The following UGT1A5 variants were observed in gnomAD, a reference collection of about 807,000 sequenced individuals.
The protein encoded by UGT1A5 is UDP glucuronosyltransferase family 1 member A5.
UGT1A5 carries 29 observed loss-of-function variants against 40.3 expected under a neutral mutation model. That is an observed-to-expected ratio of 0.72 (90% CI 0.54 to 0.98). UGT1A5 has a LOEUF of 0.98. Among genes scored for constraint, UGT1A5 ranks in the 50% least tolerant of loss-of-function variants. The probability of loss-of-function intolerance (pLI) is 0.00; values close to 1 mark genes in which losing one functional copy is unlikely to be tolerated. For missense variants in UGT1A5, 678 were observed against 677.9 expected (o/e 1.00, Z 0.00); for synonymous variants, 257 against 262.5 (o/e 0.98, Z 0.20).
At chr2:233,731,308 T>G (rs962546362) in intron 1 of UGT1A5, among the ~76,000 whole-genome samples, 3 of 151,716 alleles carry the variant, frequency 2.0e-5, no homozygotes, top group African/African-American at 7.3e-5. Context: ...TATTATACTT[T>G]AAGTTCTAGG....
In UGT1A5 at chr2:233,713,100, G is replaced by A. The variant is rs528791114; in HGVS notation, c.109G>A (p.Asp37Asn). Residue 37 changes from aspartate (D) to asparagine (N), a missense_variant, in exon 1 of 5, where the codon GAT (aspartate) becomes AAT (asparagine). Transcript: ENST00000373414. ...TGGGAAGGTGCTGGTGGTGCCCACT[G>A]ATGGCAGCCACTGGCTCAGCATGCG... ...ESGKVLVVPT[D>N]GSHWLSMREA... 8 of 1,614,218 alleles carry A rather than the reference G, an allele frequency of 5.0e-6. No homozygotes were observed. The highest frequency in any genetic ancestry group is 5.9e-6 in the Non-Finnish European group (7 of 1,180,036).
At chr2:233,747,925 T>C in intron 1 of UGT1A5, 1 of 1,613,432 alleles carries the variant, frequency 6.2e-7, no homozygotes, top group South Asian at 1.1e-5. Flanking sequence ...GCCTCTGAGC[T>C]TTTTCAGAGG....
At chr2:233,754,596 T>TA (rs1695527664) in intron 1 of UGT1A5, 1 of 431,834 alleles carries the variant, frequency 2.3e-6, no homozygotes, top group Middle Eastern at 3.5e-4. Flanking sequence ...TGAAGGACTT[T>TA]AACTCAACTC....
chr2:233,722,328 T>C (rs2077007170), intron 1 of UGT1A5, among the ~76,000 whole-genome samples: 1 of 152,230 alleles, frequency 6.6e-6, no homozygotes, highest in African/African-American at 2.4e-5. Flanking sequence ...GGTTGACCCT[T>C]AGATTTGAAA....
intron 1 of UGT1A5, chr2:233,755,125 C>T (rs1380878187): frequency 3.0e-6 from 4 of 1,325,936 alleles, no homozygotes; most frequent in Non-Finnish European, 4.1e-6. Flanking sequence ...GCCTCAGCCA[C>T]CTGCTTGAAT....
At chr2:233,719,330 G>T in intron 1 of UGT1A5, 1 of 1,613,866 alleles carries the variant, frequency 6.2e-7, no homozygotes, top group Admixed American at 1.7e-5. Flanking sequence ...TTCCTGCTGT[G>T]TTTTTTTGGA....
chr2:233,754,024 C>G (rs763970261), intron 1 of UGT1A5, among the ~76,000 whole-genome samples: 2 of 152,198 alleles, frequency 1.3e-5, no homozygotes, highest in Non-Finnish European at 2.9e-5. Context: ...TGATAGGAAA[C>G]GAATGCATCC....
At chr2:233,755,646 G>A (rs1240330219) in intron 1 of UGT1A5, 4 of 157,058 alleles carry the variant, frequency 2.5e-5, no homozygotes, top group Admixed American at 2.5e-4. Context: ...CTTTTTCCTC[G>A]GCCACAGGAG....
At chr2:233,729,445 C>G (rs375300323) in intron 1 of UGT1A5, 1 of 1,613,820 alleles carries the variant, frequency 6.2e-7, no homozygotes, top group African/African-American at 1.3e-5. Flanking sequence ...AGAACATTTT[C>G]TGAAGAAATT....
At chr2:233,747,791 T>A in intron 1 of UGT1A5, 1 of 1,613,564 alleles carries the variant, frequency 6.2e-7, no homozygotes, top group Middle Eastern at 1.7e-4. Context: ...CTTCCTCCTA[T>A]ATTCCTAAGT....
At chr2:233,758,766 C>A (rs1239430775) in intron 1 of UGT1A5, among the ~76,000 whole-genome samples, 1 of 152,154 alleles carries the variant, frequency 6.6e-6, no homozygotes, top group Admixed American at 6.5e-5. Flanking sequence ...GTGTATGGTT[C>A]AAATGTTGGG....
chr2:233,772,337 C>T lies in UGT1A5; in HGVS notation c.1383C>T (p.Phe461=). The change falls in exon 5 of 5, where the codon TTC becomes TTT. Residue 461 remains phenylalanine (F), a synonymous_variant. Transcript: ENST00000373414. ...RPVEPLDLAV[F]WVEFVMRHKG... is the part of the protein sequence containing the mutation. ...TGGAGCCGCTGGACCTGGCCGTGTTCTGGGTGGAGTTTGTGATGAGGCACA... is the reference window on the plus strand; with the variant it reads ...TGGAGCCGCTGGACCTGGCCGTGTTTTGGGTGGAGTTTGTGATGAGGCACA... 6.2e-7 allele frequency: 1 copy of T among 1,614,256 alleles called. No individual in the cohort carries two copies. The highest frequency in any genetic ancestry group is 8.5e-7 in the Non-Finnish European group (1 of 1,180,042).
At chr2:233,719,662 G>C (rs769254543) in intron 1 of UGT1A5, 50 of 1,613,974 alleles carry the variant, frequency 3.1e-5, no homozygotes, top group Non-Finnish European at 4.0e-5. Context: ...GGCATCAACT[G>C]TGCCAACGGG....
intron 1 of UGT1A5, among the ~76,000 whole-genome samples, chr2:233,717,553 T>C (rs3806591): frequency 0.1 from 15,445 of 152,232 alleles, 903 homozygotes; most frequent in East Asian, 0.2. Context: ...TCACCAGCAA[T>C]GGCAGACATG....
chr2:233,718,933 G>C, intron 1 of UGT1A5: 1 of 1,614,132 alleles, frequency 6.2e-7, no homozygotes, highest in Non-Finnish European at 8.5e-7. Context: ...CCCACTGATG[G>C]CAGCCCCTGG....
At chr2:233,738,533 C>T (rs762024449) in intron 1 of UGT1A5, among the ~76,000 whole-genome samples, 4 of 152,178 alleles carry the variant, frequency 2.6e-5, no homozygotes, top group African/African-American at 9.7e-5. Context: ...CAATGAAGTC[C>T]AGGCTGAGTC....
chr2:233,713,640 C>T lies in UGT1A5; in HGVS notation c.649C>T (p.Pro217Ser). Residue 217 changes from proline (P) to serine (S), a missense_variant, in exon 1 of 5, where the codon CCT becomes TCT. Transcript: ENST00000373414. ...FLQRVKNMLY[P>S]LALSYLCHAV... ...GCAAAGGGTCAAGAACATGCTCTAC[C>T]CTCTGGCCCTGTCCTACCTTTGCCA... 1 of 1,613,940 alleles carries T rather than the reference C, an allele frequency of 6.2e-7. No individual in the cohort carries two copies.
chr2:233,737,385 T>G (rs1256116347), intron 1 of UGT1A5, among the ~76,000 whole-genome samples: 3 of 152,226 alleles, frequency 2.0e-5, no homozygotes, highest in Non-Finnish European at 4.4e-5. Flanking sequence ...AGAATCTCCT[T>G]GTCTGCCAGT....
chr2:233,736,493 C>T (rs1043320010), intron 1 of UGT1A5, among the ~76,000 whole-genome samples: 3 of 152,222 alleles, frequency 2.0e-5, no homozygotes, highest in Non-Finnish European at 2.9e-5. Flanking sequence ...TACTACCAAA[C>T]TTCTGAAGCC....
Sources: allele counts gnomAD v4.1 joint callset (sites outside exome capture counted in the v4.1 genomes callset), GRCh38; gene constraint gnomAD v4.1.1; transcripts MANE v1.5; gene names NCBI Gene and HGNC (gene_info 2026-07-23, HGNC 2026-07-21).